The following SORCS1 variants were observed in gnomAD, a reference collection of about 807,000 sequenced individuals.
SORCS1 encodes the protein sortilin related VPS10 domain containing receptor 1.
In SORCS1, 60 loss-of-function variants were observed where a neutral mutation model predicts 146.1. That is an observed-to-expected ratio of 0.41 (90% CI 0.33 to 0.51). The LOEUF (loss-of-function observed/expected upper bound fraction) is 0.51, where lower values mean the gene tolerates loss of function less well. Among genes scored for constraint, SORCS1 ranks in the 20% least tolerant of loss-of-function variants. The pLI, the probability that SORCS1 is intolerant of heterozygous loss-of-function variation, is 0.21. For missense variants in SORCS1, 1,352 were observed against 1,487.6 expected (o/e 0.91, Z 1.50); for synonymous variants, 637 against 584.0 (o/e 1.09, Z -1.31).
At chr10:107,064,920 C>A (rs966281350) in intron 1 of SORCS1, among the ~76,000 whole-genome samples, 1 of 152,050 alleles carries the variant, frequency 6.6e-6, no homozygotes, top group South Asian at 2.1e-4. Flanking sequence ...GGGTTTGTGC[C>A]TAAGGACACC....
chr10:106,793,981 A>G (rs535077831), intron 3 of SORCS1, among the ~76,000 whole-genome samples: 3 of 152,342 alleles, frequency 2.0e-5, no homozygotes, highest in African/African-American at 7.2e-5. Context: ...ACTGCCACAA[A>G]GGAAACCATC....
chr10:106,652,378 C>T lies in SORCS1; in HGVS notation c.2475+4G>A. The T allele has an allele frequency of 6.2e-7, 1 of 1,613,188 alleles. No individual in the cohort carries two copies. The highest frequency in any genetic ancestry group is 8.5e-7 in the Non-Finnish European group (1 of 1,179,328). On this transcript the variant is annotated splice_donor_region_variant and intron_variant, in intron 18 of 25. Transcript: ENST00000263054. The stretch of plus-strand genomic sequence containing the variant: ...AGTAGGGGGGAGATAGGAATCAGTC[C>T]TACCTCTTCTAATTGCACCATGAGA...
chr10:106,922,756 T>C (rs1429895748), intron 2 of SORCS1, among the ~76,000 whole-genome samples: 1 of 152,110 alleles, frequency 6.6e-6, no homozygotes, highest in Non-Finnish European at 1.5e-5. Flanking sequence ...ATTCTACAAG[T>C]CTGGACTAAT....
chr10:106,956,129 C>CCA (rs748438584), intron 2 of SORCS1, among the ~76,000 whole-genome samples: 2 of 125,488 alleles, frequency 1.6e-5, no homozygotes, highest in African/African-American at 5.8e-5. Context: ...AACTCCGTCT[C>CCA]AAAAAAAAAA....
intron 1 of SORCS1, among the ~76,000 whole-genome samples, chr10:107,007,116 C>A (rs1349416300): frequency 6.6e-6 from 1 of 152,204 alleles, no homozygotes; most frequent in East Asian, 1.9e-4. Context: ...CCCCTGCAAT[C>A]CCTGTGTAAT....
intron 1 of SORCS1, among the ~76,000 whole-genome samples, chr10:107,073,370 A>G (rs1390131353): frequency 1.3e-5 from 2 of 152,148 alleles, no homozygotes; most frequent in East Asian, 3.9e-4. Flanking sequence ...TTTATCCAGC[A>G]CCTATAATTT....
intron 23 of SORCS1, among the ~76,000 whole-genome samples, chr10:106,605,356 A>G (rs756596094): frequency 2.0e-5 from 3 of 152,252 alleles, no homozygotes; most frequent in Non-Finnish European, 2.9e-5. Context: ...AATGATGTAG[A>G]AAATACAACA....
At chr10:107,094,563 T>C (rs898703852) in intron 1 of SORCS1, among the ~76,000 whole-genome samples, 1 of 152,184 alleles carries the variant, frequency 6.6e-6, no homozygotes, top group Non-Finnish European at 1.5e-5. Flanking sequence ...CAAAAAATGG[T>C]TTTTAATCAA....
intron 1 of SORCS1, among the ~76,000 whole-genome samples, chr10:107,121,927 TATA>T (rs1966436570): frequency 6.6e-6 from 1 of 152,166 alleles, no homozygotes; most frequent in Admixed American, 6.5e-5. Flanking sequence ...GTATTTATTA[TATA>T]ATAATACAAA....
At chr10:106,959,732 C>A (rs1955133545) in intron 1 of SORCS1, among the ~76,000 whole-genome samples, 1 of 152,202 alleles carries the variant, frequency 6.6e-6, no homozygotes, top group Non-Finnish European at 1.5e-5. Flanking sequence ...AGTCTGGTCT[C>A]AACTTCTGGG....
chr10:107,157,356 T>C (rs961257077), intron 1 of SORCS1, among the ~76,000 whole-genome samples: 17 of 152,250 alleles, frequency 1.1e-4, no homozygotes, highest in Non-Finnish European at 1.9e-4. Flanking sequence ...TGTGACCAAA[T>C]GTTATTTGAC....
intron 20 of SORCS1, chr10:106,620,125 A>T (rs1012290693): frequency 9.3e-6 from 2 of 214,870 alleles, no homozygotes; most frequent in African/African-American, 4.6e-5. Context: ...AACTTTCAGG[A>T]AATAGAGTTT....
intron 5 of SORCS1, among the ~76,000 whole-genome samples, chr10:106,741,039 A>G (rs1857324270): frequency 6.6e-6 from 1 of 152,244 alleles, no homozygotes; most frequent in Non-Finnish European, 1.5e-5. Flanking sequence ...TGTCAAGAGT[A>G]TGAATCAAGG....
chr10:106,962,152 C>A (rs948886953), intron 1 of SORCS1, among the ~76,000 whole-genome samples: 3 of 151,968 alleles, frequency 2.0e-5, no homozygotes, highest in Non-Finnish European at 4.4e-5. Flanking sequence ...GTAATCCCAG[C>A]AATTTGGGAG....
At chr10:106,730,245 T>G in intron 5 of SORCS1, 131 bp from the exon 6 acceptor site, 2 of 708,026 alleles carry the variant, frequency 2.8e-6, no homozygotes, top group South Asian at 1.8e-5. Flanking sequence ...AGAATATATC[T>G]ACTCTATGTA....
At chr10:107,014,622 G>C (rs79832314) in intron 1 of SORCS1, among the ~76,000 whole-genome samples, 13,512 of 152,182 alleles carry the variant, frequency 0.089, 1,692 homozygotes, top group African/African-American at 0.28. Flanking sequence ...GCATAACCTG[G>C]GAATCTGTTA....
rs1194812768 is a variant in SORCS1, at chr10:106,672,899, T to A, written c.2027A>T (p.Glu676Val). Residue 676 changes from glutamate (E) to valine (V), a missense_variant, in exon 15 of 26, where the codon GAG (glutamate) becomes GTG (valine). This residue lies in a region of SORCS1 where 648 missense variants were observed against 793.8 expected (regional missense o/e 0.82). Coordinates refer to ENST00000263054, the MANE Select transcript of SORCS1 (RefSeq NM_052918.5). ...GTGCAGCTGCCAAGGTCTGTAGTCCTCTTCGGCACACCGTCTATCAAAAAT... is the reference window on the plus strand; with the variant it reads ...GTGCAGCTGCCAAGGTCTGTAGTCCACTTCGGCACACCGTCTATCAAAAAT... ...KSIFDRRCAE[E>V]DYRPWQLHSQ... 6.2e-7 allele frequency: 1 copy of A among 1,614,032 alleles called. No homozygotes were observed. Among genetic ancestry groups the A allele is most frequent in the Non-Finnish European group, 8.5e-7 (1 of 1,180,008 alleles).
At chr10:106,657,647 AT>A (rs2135329551) in intron 17 of SORCS1, among the ~76,000 whole-genome samples, 1 of 124,544 alleles carries the variant, frequency 8.0e-6, no homozygotes, top group South Asian at 3.0e-4. Context: ...TATCTCAAAA[AT>A]ATATAACACT....
intron 20 of SORCS1, among the ~76,000 whole-genome samples, chr10:106,619,759 A>G (rs1847613762): frequency 6.6e-6 from 1 of 152,200 alleles, no homozygotes; most frequent in Admixed American, 6.5e-5. Context: ...CACTTTTCTC[A>G]TGTGCAAAAT....
Sources: gnomAD v4.1 joint callset for allele counts (sites outside exome capture counted in the v4.1 genomes callset) on GRCh38, gnomAD v4.1.1 for gene constraint, gnomAD v4.1.1 regional missense constraint, MANE v1.5 for transcripts, NCBI Gene and HGNC (gene_info 2026-07-23, HGNC 2026-07-21) for gene names.